Variants in HELZ observed in about 807,000 individuals in gnomAD.
The protein encoded by HELZ is ATP-dependent RNA helicase with zinc finger domain.
Under a neutral mutation model 218.2 loss-of-function variants are expected in HELZ, and 23 were observed. The observed-to-expected ratio is 0.11, with a 90% CI of 0.08 to 0.15. The LOEUF is 0.15. Ranked by LOEUF, HELZ falls within the 10% of genes least tolerant of loss-of-function variation. The probability of loss-of-function intolerance (pLI) is 1.00; values close to 1 mark genes in which losing one functional copy is unlikely to be tolerated. For synonymous variants in HELZ, 814 were observed against 829.4 expected (o/e 0.98, Z 0.32); for missense variants, 1,813 against 2,353.7 (o/e 0.77, Z 4.75).
chr17:67,128,388 G>A, intron 24 of HELZ: 1 of 469,944 alleles, frequency 2.1e-6, no homozygotes, highest in South Asian at 3.1e-5. Context: ...GAGAGGATTA[G>A]AAGGTTATTT....
At position 67,152,766 on chromosome 17, in the gene HELZ, T is replaced by TA. The variant is rs1285760954; in HGVS notation, c.2178-1543_2178-1542insT. Among the ~76,000 whole-genome samples, 6 of 90,012 alleles carry TA rather than the reference T, an allele frequency of 6.7e-5. No homozygotes were observed. In the South Asian group the frequency reaches 2.0e-3, roughly 30 times the overall value. The allele number at this position is 90,012 out of a possible 152,430, so 59.1% of individuals were successfully genotyped here. ...GATTACCTAGAAAATAAGAGTAGAT[T>TA]TAAAAAAAAAAAAAAAAAACAACTA... On this transcript the variant is annotated intron_variant, in intron 17 of 32. Coordinates refer to ENST00000358691, the MANE Select transcript of HELZ (RefSeq NM_014877.4).
At chr17:67,160,203 CT>C in intron 17 of HELZ, 57 bp downstream of exon 17, 1 of 1,045,520 alleles carries the variant, frequency 9.6e-7, no homozygotes, top group Non-Finnish European at 1.5e-6. Flanking sequence ...TTACAGACAC[CT>C]TTTCTTAAGA....
intron 26 of HELZ, among the ~76,000 whole-genome samples, chr17:67,122,298 C>A (rs1386551082): frequency 6.6e-6 from 1 of 152,092 alleles, no homozygotes; most frequent in Non-Finnish European, 1.5e-5. Flanking sequence ...GTAATCCCAG[C>A]ACTTTGGGAG....
At chr17:67,120,358 T>C (rs779511377) in intron 27 of HELZ, 47 bp downstream of exon 27, 66 of 1,473,360 alleles carry the variant, frequency 4.5e-5, no homozygotes, top group Non-Finnish European at 6.0e-5. Flanking sequence ...GCTAAAACTT[T>C]ACCTGTCATC....
chr17:67,097,040 G>A (rs2036769608), intron 31 of HELZ, among the ~76,000 whole-genome samples: 1 of 152,094 alleles, frequency 6.6e-6, no homozygotes, highest in Non-Finnish European at 1.5e-5. Flanking sequence ...TTAAATAGAG[G>A]CCATGGTAGC....
chr17:67,161,963 G>C (rs547348203), intron 15 of HELZ, among the ~76,000 whole-genome samples: 1 of 152,278 alleles, frequency 6.6e-6, no homozygotes, highest in South Asian at 2.1e-4. Flanking sequence ...GTAAGGGTGT[G>C]TAAAGAAACT....
At chr17:67,158,213 A>ATCATGAAGAGAGCAAACTCT (rs1195027876) in intron 17 of HELZ, among the ~76,000 whole-genome samples, 2 of 152,192 alleles carry the variant, frequency 1.3e-5, no homozygotes, top group African/African-American at 4.8e-5. Flanking sequence ...TCCAGCCTAT[A>ATCATGAAGAGAGCAAACTCT]TCATGAAGAG....
intron 28 of HELZ, among the ~76,000 whole-genome samples, chr17:67,112,375 G>A (rs945171710): frequency 4.6e-5 from 7 of 152,188 alleles, no homozygotes; most frequent in East Asian, 1.9e-4. Flanking sequence ...AGACTCGTGC[G>A]ATTGGTTTCG....
At chr17:67,169,694 A>G (rs946359554) in intron 13 of HELZ, among the ~76,000 whole-genome samples, 1 of 148,678 alleles carries the variant, frequency 6.7e-6, no homozygotes, top group African/African-American at 2.6e-5. Flanking sequence ...TTCCATCCCA[A>G]TAGCCCCTAA....
intron 12 of HELZ, among the ~76,000 whole-genome samples, chr17:67,184,981 G>C (rs9898703): frequency 0.087 from 13,236 of 151,976 alleles, 1,507 homozygotes; most frequent in African/African-American, 0.26. Context: ...AGACCTAATT[G>C]AATTCCCAAT....
intron 3 of HELZ, chr17:67,225,011 TAAGAG>T (rs2040852331): frequency 2.9e-6 from 2 of 686,644 alleles, no homozygotes; most frequent in Non-Finnish European, 2.7e-6. Context: ...TGGAAGGAGA[TAAGAG>T]AAAGGGTCAA....
chr17:67,187,486 G>C (rs936917756), intron 12 of HELZ, among the ~76,000 whole-genome samples: 3 of 152,154 alleles, frequency 2.0e-5, no homozygotes, highest in Admixed American at 6.5e-5. Flanking sequence ...ACTACTTCTA[G>C]GTTCTCATGA....
intron 13 of HELZ, among the ~76,000 whole-genome samples, chr17:67,172,282 T>C (rs1237597730): frequency 6.6e-6 from 1 of 152,216 alleles, no homozygotes; most frequent in South Asian, 2.1e-4. Context: ...GGGGCCCTTG[T>C]GCATTCCTCC....
At chr17:67,157,567 G>A (rs1016803211) in intron 17 of HELZ, among the ~76,000 whole-genome samples, 3 of 152,110 alleles carry the variant, frequency 2.0e-5, no homozygotes, top group Non-Finnish European at 4.4e-5. Context: ...AGAATTGACG[G>A]TAACAAGACA....
intron 13 of HELZ, among the ~76,000 whole-genome samples, chr17:67,169,540 T>G (rs984449079): frequency 2.6e-5 from 4 of 152,196 alleles, no homozygotes; most frequent in Non-Finnish European, 5.9e-5. Context: ...CCTCATGGCC[T>G]AATCACCTTT....
intron 18 of HELZ, 145 bp from the exon 19 acceptor site, chr17:67,150,130 C>CTTTTTTTTTTTTT (rs11408678): frequency 5.6e-5 from 10 of 180,112 alleles, no homozygotes; most frequent in African/African-American, 9.2e-5. Context: ...TATTTTCTTT[C>CTTTTTTTTTTTTT]TTTTTTTTTT....
intron 14 of HELZ, 141 bp downstream of exon 14, chr17:67,167,322 G>A (rs964428667): frequency 1.7e-5 from 10 of 593,648 alleles, no homozygotes; most frequent in African/African-American, 1.5e-4. Flanking sequence ...TACTACAGGT[G>A]CAATTTTCAA....
rs746826397 is a variant in HELZ, at chr17:67,128,710, G to A, written c.3328C>T (p.Arg1110Trp). The A allele has an allele frequency of 3.1e-5, 50 of 1,613,940 alleles. No homozygotes were observed. The highest frequency in any genetic ancestry group is 6.7e-5 in the African/African-American group (5 of 74,914). Residue 1110 changes from arginine (R) to tryptophan (W), a missense_variant, in exon 24 of 33, where the codon CGG becomes TGG. Coordinates refer to ENST00000358691, the MANE Select transcript of HELZ (RefSeq NM_014877.4). ...LNPLAPEFIP[R>W]ALRLQHSGST... ...CCTGAATGCTGCAGTCTTAGAGCCCGGGGGATAAATTCAGGTGCCAGCGGA... is the reference window on the plus strand; with the variant it reads ...CCTGAATGCTGCAGTCTTAGAGCCCAGGGGATAAATTCAGGTGCCAGCGGA...
chr17:67,178,961 C>T, intron 12 of HELZ, 35 bp from the exon 13 acceptor site: 1 of 1,436,114 alleles, frequency 7.0e-7, no homozygotes, highest in Non-Finnish European at 9.5e-7. Context: ...TATAAAGAAA[C>T]AGAACATTAA....
Sources: allele counts gnomAD v4.1 joint callset (sites outside exome capture counted in the v4.1 genomes callset), GRCh38; gene constraint gnomAD v4.1.1; transcripts MANE v1.5; gene names NCBI Gene and HGNC (gene_info 2026-07-23, HGNC 2026-07-21).